KIAA1549L: variants seen among roughly 807,000 people sequenced by gnomAD.
KIAA1549L encodes the protein KIAA1549 like.
KIAA1549L carries 88 observed loss-of-function variants against 160.7 expected under a neutral mutation model. The ratio of observed to expected loss-of-function variants is 0.55; its 90% CI spans 0.46 to 0.65. The LOEUF is 0.65. Among genes scored for constraint, KIAA1549L ranks in the 30% least tolerant of loss-of-function variants. KIAA1549L has a pLI of 0.00. For missense variants in KIAA1549L, 2,258 were observed against 2,437.5 expected (o/e 0.93, Z 1.55); for synonymous variants, 950 against 976.7 (o/e 0.97, Z 0.51).
At chr11:33,383,289 A>G (rs1850109953) in intron 1 of KIAA1549L, among the ~76,000 whole-genome samples, 1 of 150,996 alleles carries the variant, frequency 6.6e-6, no homozygotes, top group Admixed American at 6.6e-5. Flanking sequence ...TTTTTTTTAA[A>G]GACAAACAAA....
At position 33,406,931 on chromosome 11, in the gene KIAA1549L, A is replaced by G. The variant is rs554042755; in HGVS notation, c.238+30042A>G. Among the ~76,000 whole-genome samples the G allele has an allele frequency of 2.6e-5, 4 of 152,188 alleles. No homozygotes were observed. In the East Asian group the frequency reaches 7.7e-4, roughly 29 times the overall value. On this transcript the variant is annotated intron_variant, in intron 1 of 20. Transcript: ENST00000658780. Reference sequence around the variant, plus strand: ...GCCTGCTGCTGGAGGTGTAATGTTCACGATTCCTGTAAATTCCTCAGGCAC... The same window carrying G: ...GCCTGCTGCTGGAGGTGTAATGTTCGCGATTCCTGTAAATTCCTCAGGCAC...
In KIAA1549L at chr11:33,656,124, T is replaced by A; in HGVS notation, c.5858+15T>A. On this transcript the variant is annotated intron_variant, in intron 18 of 20. Transcript: ENST00000658780. The stretch of plus-strand genomic sequence containing the variant: ...TCTCTCAGGCGGTAACACGTTCCTT[T>A]CTTTGTTTTGTTTGGAATATTTGGA... 1 of 1,598,418 alleles carries A rather than the reference T, an allele frequency of 6.3e-7. No homozygotes were observed. The highest frequency in any genetic ancestry group is 8.6e-7 in the Non-Finnish European group (1 of 1,166,744).
intron 3 of KIAA1549L, among the ~76,000 whole-genome samples, chr11:33,547,388 G>A (rs1854299831): frequency 6.6e-6 from 1 of 152,190 alleles, no homozygotes; most frequent in African/African-American, 2.4e-5. Flanking sequence ...CCTGATCCAG[G>A]GTTGTTTGAG....
At chr11:33,507,373 T>G (rs977360869) in intron 1 of KIAA1549L, among the ~76,000 whole-genome samples, 4 of 152,220 alleles carry the variant, frequency 2.6e-5, no homozygotes, top group African/African-American at 9.6e-5. Context: ...TTTGATGCTA[T>G]ATATTGAAAA....
chr11:33,604,499 C>T, intron 13 of KIAA1549L, among the ~76,000 whole-genome samples: 1 of 152,228 alleles, frequency 6.6e-6, no homozygotes. Context: ...AAAAAAGACA[C>T]TTGCACATGT....
intron 6 of KIAA1549L, among the ~76,000 whole-genome samples, chr11:33,557,101 C>T (rs1358964754): frequency 6.6e-6 from 1 of 152,122 alleles, no homozygotes; most frequent in Non-Finnish European, 1.5e-5. Context: ...GATCCTCCTG[C>T]CTCAGCCTCC....
chr11:33,437,675 A>T (rs1851407926), intron 1 of KIAA1549L, among the ~76,000 whole-genome samples: 1 of 152,216 alleles, frequency 6.6e-6, no homozygotes. Context: ...CCCACCTCCT[A>T]TTGGTGGGGC....
chr11:33,440,405 C>G (rs1004680095), intron 1 of KIAA1549L, among the ~76,000 whole-genome samples: 1 of 152,082 alleles, frequency 6.6e-6, no homozygotes, highest in East Asian at 1.9e-4. Flanking sequence ...GCTGGGATTA[C>G]AGGCGTGAGC....
intron 12 of KIAA1549L, among the ~76,000 whole-genome samples, chr11:33,598,104 C>T (rs188954630): frequency 1.7e-4 from 26 of 151,966 alleles, no homozygotes; most frequent in African/African-American, 5.8e-4. Flanking sequence ...ATGAATGAAA[C>T]GTATTTCCTG....
rs1415153976 is a variant in KIAA1549L at position 33,660,982 on chromosome 11, G to C, written c.6127G>C (p.Glu2043Gln). The C allele has an allele frequency of 8.1e-6, 13 of 1,611,444 alleles. No homozygotes were observed. In the East Asian group the frequency reaches 2.9e-4, roughly 36 times the overall value. ...RNQAWMSYAGENELPSQWADS... is the reference protein window; with the variant it reads ...RNQAWMSYAGQNELPSQWADS... ...CCAGGCCTGGATGTCCTATGCAGGA[G>C]AGAATGAGCTCCCGAGCCAGTGGGC... The change falls in exon 20 of 21, where the codon GAG becomes CAG. Residue 2043 changes from glutamate (E) to glutamine (Q), a missense_variant. By Grantham distance (29) the Glu-to-Gln change is conservative (BLOSUM62 2). Transcript: ENST00000658780.
At chr11:33,429,566 G>A (rs77393037) in intron 1 of KIAA1549L, among the ~76,000 whole-genome samples, 90 of 152,204 alleles carry the variant, frequency 5.9e-4, no homozygotes, top group African/African-American at 1.9e-3. Flanking sequence ...CTTGTTCTCC[G>A]TGGAGCTGCT....
intron 1 of KIAA1549L, among the ~76,000 whole-genome samples, chr11:33,398,950 G>GTTTTTTTTTTTTTTTTTTT (rs71034680): frequency 7.1e-6 from 1 of 140,012 alleles, no homozygotes. Context: ...TCCAGTGAGT[G>GTTTTTTTTTTTTTTTTTTT]TTTTTTTTTT....
chr11:33,497,870 C>A (rs1852855882), intron 1 of KIAA1549L, among the ~76,000 whole-genome samples: 1 of 152,188 alleles, frequency 6.6e-6, no homozygotes, highest in Non-Finnish European at 1.5e-5. Context: ...CATGCCAGAT[C>A]TTGGTGTTTA....
chr11:33,463,325 A>G (rs1297856062), intron 1 of KIAA1549L, among the ~76,000 whole-genome samples: 3 of 151,770 alleles, frequency 2.0e-5, no homozygotes, highest in South Asian at 4.2e-4. Context: ...TCTCTTAACT[A>G]TTCTTCCTTT....
intron 1 of KIAA1549L, among the ~76,000 whole-genome samples, chr11:33,500,135 T>G (rs1417967603): frequency 6.6e-6 from 1 of 152,240 alleles, no homozygotes; most frequent in Non-Finnish European, 1.5e-5. Flanking sequence ...ATAAAAATTT[T>G]GAGATTTCTT....
chr11:33,448,581 G>A (rs898055953), intron 1 of KIAA1549L, among the ~76,000 whole-genome samples: 1 of 152,112 alleles, frequency 6.6e-6, no homozygotes, highest in African/African-American at 2.4e-5. Context: ...GGTTGATTCA[G>A]CTATTGCTTG....
intron 6 of KIAA1549L, among the ~76,000 whole-genome samples, 181 bp downstream of exon 6, chr11:33,552,422 A>C (rs1854494257): frequency 6.6e-6 from 1 of 151,904 alleles, no homozygotes; most frequent in East Asian, 1.9e-4. Context: ...GTCACTGTGC[A>C]CCTATTGTGG....
chr11:33,532,522 C>T (rs1853797472), intron 1 of KIAA1549L, among the ~76,000 whole-genome samples: 1 of 152,188 alleles, frequency 6.6e-6, no homozygotes, highest in African/African-American at 2.4e-5. Flanking sequence ...GTAATTATCC[C>T]CATTTTACAG....
rs202107002 is a variant in KIAA1549L, at chr11:33,542,811, T to G, written c.1248T>G (p.Ala416=). ...ATACAGAAACAGCGACCCATGAGGC[T>G]GAGCCTCCACTTTTCCAGACTGCAG... is the stretch of plus-strand genomic sequence containing the variant. ...FKNTETATHE[A]EPPLFQTAES... Residue 416 remains alanine (A), a synonymous_variant, in exon 2 of 21, where the codon GCT becomes GCG. Coordinates refer to ENST00000658780, the MANE Select transcript of KIAA1549L (RefSeq NM_012194.3). 1.5e-4 allele frequency: 248 copies of G among 1,613,800 alleles called. No individual in the cohort carries two copies. Among genetic ancestry groups the G allele is most frequent in the African/African-American group, 5.3e-5 (4 of 74,956 alleles).
Sources: gnomAD v4.1 joint callset for allele counts (sites outside exome capture counted in the v4.1 genomes callset) on GRCh38, gnomAD v4.1.1 for gene constraint, MANE v1.5 for transcripts, NCBI Gene and HGNC (gene_info 2026-07-23, HGNC 2026-07-21) for gene names.